Variants in ADGRD1 observed in about 807,000 individuals in gnomAD.
The protein encoded by ADGRD1 is G-protein coupled receptor 133.
Under a neutral mutation model 113.4 loss-of-function variants are expected in ADGRD1, and 77 were observed. The ratio of observed to expected loss-of-function variants is 0.68; its 90% CI spans 0.57 to 0.82. ADGRD1 has a LOEUF of 0.82. ADGRD1 is among the 40% of genes least tolerant of loss of function. The pLI, the probability that ADGRD1 is intolerant of heterozygous loss-of-function variation, is 0.00. For synonymous variants in ADGRD1, 474 were observed against 475.0 expected, an observed-to-expected ratio of 1.00 and a Z score of 0.03; for missense variants, 1,036 against 1,139.1, an observed-to-expected ratio of 0.91 and a Z score of 1.30.
At chr12:130,994,594 G>A (rs950699656) in intron 8 of ADGRD1, among the ~76,000 whole-genome samples, 1 of 152,230 alleles carries the variant, frequency 6.6e-6, no homozygotes, top group Middle Eastern at 3.2e-3. Context: ...TGTGTTTCCG[G>A]GTGTCTAGGG....
Position 130,984,939 on chromosome 12 carries a change from C to T in ADGRD1, c.491-2156C>T, listed in dbSNP as rs1873470328. ...TCTCTCTCCTCTCTTCTCTCTTTCT[C>T]TCTTTCTTTCTTTTTCTTTCTGACA... On this transcript the variant is annotated intron_variant, in intron 5 of 24. Transcript: ENST00000261654. The surrounding 1 kb of genome is among the most constrained non-coding windows in gnomAD (Gnocchi z 4.1). Among the ~76,000 whole-genome samples the T allele has an allele frequency of 6.6e-6, 1 of 150,928 alleles. No homozygotes were observed. The highest frequency in any genetic ancestry group is 1.5e-5 in the Non-Finnish European group (1 of 67,798).
chr12:131,043,454 G>T (rs933877969), intron 13 of ADGRD1, among the ~76,000 whole-genome samples: 1 of 152,234 alleles, frequency 6.6e-6, no homozygotes, highest in African/African-American at 2.4e-5. Flanking sequence ...CACGCTCACT[G>T]CCCTGGCAAA....
chr12:131,098,169 C>CACGGTG (rs1949980138), intron 15 of ADGRD1, among the ~76,000 whole-genome samples: 2 of 71,440 alleles, frequency 2.8e-5, no homozygotes, highest in Non-Finnish European at 7.5e-5. Flanking sequence ...TTCCTTCTCC[C>CACGGTG]GCAGTGGCTG....
At chr12:130,964,372 A>G (rs1235430590) in intron 2 of ADGRD1, among the ~76,000 whole-genome samples, 7 of 152,070 alleles carry the variant, frequency 4.6e-5, no homozygotes. Flanking sequence ...GTTGAATAAT[A>G]TTTCTCCTCT....
chr12:131,124,855 G>A (rs980339571), intron 20 of ADGRD1, among the ~76,000 whole-genome samples: 1 of 152,194 alleles, frequency 6.6e-6, no homozygotes, highest in Non-Finnish European at 1.5e-5. Context: ...CATGGCCATA[G>A]GCCCGTTATT....
In ADGRD1 at chr12:131,003,537, C is replaced by T. The variant is rs563636093; in HGVS notation, c.1144+235C>T. Among the ~76,000 whole-genome samples the T allele has an allele frequency of 4.1e-4, 62 of 152,280 alleles. No homozygotes were observed. The highest frequency in any genetic ancestry group is 6.9e-4 in the Non-Finnish European group (47 of 68,022). ...TTCCCAGTGACTTGGGAGCCAAGCTCCTGCCCTGGGATGATGGTCTCGGTT... is the reference window on the plus strand; with the variant it reads ...TTCCCAGTGACTTGGGAGCCAAGCTTCTGCCCTGGGATGATGGTCTCGGTT... On this transcript the variant is annotated intron_variant, in intron 10 of 24. Coordinates refer to ENST00000261654, the MANE Select transcript of ADGRD1 (RefSeq NM_198827.5). This position sits in a 1 kb window ranked among gnomAD's most constrained non-coding sequence, Gnocchi z 4.8.
chr12:131,038,232 T>C (rs1005778611), intron 13 of ADGRD1, among the ~76,000 whole-genome samples: 5 of 152,254 alleles, frequency 3.3e-5, no homozygotes, highest in African/African-American at 1.2e-4. Context: ...CCCAGCAGTC[T>C]GGAAGCCCTG....
chr12:131,049,459 T>C (rs371148797), intron 13 of ADGRD1, among the ~76,000 whole-genome samples: 43 of 152,358 alleles, frequency 2.8e-4, no homozygotes, highest in African/African-American at 1.0e-3. Flanking sequence ...CTCTAAGCCA[T>C]TATAGCCAGA....
rs1426623383 is a variant in ADGRD1 at position 131,002,723 on chromosome 12, G to C, written c.1027-462G>C. ...GTCAAGGCAGCCAGAGATAGCTCTG[G>C]GTGCCGGCACCTCGGAAGCAGCCAC... is the stretch of plus-strand genomic sequence containing the variant. On this transcript the variant is annotated intron_variant, in intron 9 of 24. Coordinates refer to ENST00000261654, the MANE Select transcript of ADGRD1 (RefSeq NM_198827.5). The C allele has an allele frequency of 7.2e-6, 9 of 1,247,462 alleles. No homozygotes were observed. The South Asian group carries it at 1.2e-4, about 17-fold the overall frequency. 77.3% of individuals were successfully genotyped at this position (1,247,462 alleles called of 1,614,324 possible).
Position 130,971,451 on chromosome 12 carries a change from TC to T in ADGRD1, c.188-5del. On this transcript the variant is annotated splice_region_variant and splice_polypyrimidine_tract_variant and intron_variant, in intron 3 of 24. Coordinates refer to ENST00000261654, the MANE Select transcript of ADGRD1 (RefSeq NM_198827.5). The surrounding 1 kb of genome is among the most constrained non-coding windows in gnomAD (Gnocchi z 4.2). Reference sequence around the variant, plus strand: ...TAACATATGATGTTGTCATTTTTCTTCCTTAGATATTGTGGAAGGGAAGGTC... The same window carrying T: ...TAACATATGATGTTGTCATTTTTCTTCTTAGATATTGTGGAAGGGAAGGTC... The T allele has an allele frequency of 6.2e-7, 1 of 1,612,604 alleles. No homozygotes were observed. Among genetic ancestry groups the T allele is most frequent in the Non-Finnish European group, 8.5e-7 (1 of 1,179,026 alleles).
intron 11 of ADGRD1, among the ~76,000 whole-genome samples, chr12:131,005,642 T>C (rs12824184): frequency 6.9e-5 from 5 of 72,066 alleles, no homozygotes; most frequent in East Asian, 5.4e-4. Flanking sequence ...GCTCTGAGAC[T>C]GTGTGATGCC....
chr12:131,004,381 C>T (rs1005350134), intron 11 of ADGRD1, 85 bp downstream of exon 11: 10 of 1,035,820 alleles, frequency 9.7e-6, no homozygotes, highest in East Asian at 5.0e-5. Flanking sequence ...GGGTGCCCAC[C>T]GCGCCAGGGA....
At chr12:131,058,285 G>C (rs1471266742) in intron 13 of ADGRD1, among the ~76,000 whole-genome samples, 2 of 152,138 alleles carry the variant, frequency 1.3e-5, no homozygotes, top group Non-Finnish European at 2.9e-5. Flanking sequence ...GGGAAGCGTC[G>C]TGAGCGTCCT....
At chr12:130,986,733 C>G (rs901164598) in intron 5 of ADGRD1, 11 of 234,636 alleles carry the variant, frequency 4.7e-5, no homozygotes, top group African/African-American at 2.4e-4. Context: ...TCGCTCCTGA[C>G]CATTTTTTCT....
chr12:131,032,142 C>A (rs1285174059), intron 13 of ADGRD1, among the ~76,000 whole-genome samples: 4 of 151,600 alleles, frequency 2.6e-5, no homozygotes, highest in Non-Finnish European at 5.9e-5. Context: ...CCAACCCTGT[C>A]CCCCGCAAGG....
chr12:131,117,324 T>A (rs1197919949), intron 18 of ADGRD1, among the ~76,000 whole-genome samples: 1 of 152,162 alleles, frequency 6.6e-6, no homozygotes, highest in African/African-American at 2.4e-5. Flanking sequence ...TTGAACTGGC[T>A]AAGGCAAAAA....
At chr12:131,106,376 A>G (rs1288763722) in intron 17 of ADGRD1, among the ~76,000 whole-genome samples, 1 of 152,156 alleles carries the variant, frequency 6.6e-6, no homozygotes, top group Non-Finnish European at 1.5e-5. Flanking sequence ...TGCCCTTTGC[A>G]TGGAGTGGGG....
intron 15 of ADGRD1, among the ~76,000 whole-genome samples, chr12:131,087,418 C>T (rs1886548118): frequency 6.6e-6 from 1 of 152,146 alleles, no homozygotes; most frequent in Non-Finnish European, 1.5e-5. Flanking sequence ...GACAGGGGAC[C>T]GGCAGCCTCC....
chr12:130,986,636 CCT>C (rs1491225091), intron 5 of ADGRD1, among the ~76,000 whole-genome samples: 1 of 151,956 alleles, frequency 6.6e-6, no homozygotes, highest in African/African-American at 2.4e-5. Flanking sequence ...ATTCTTATTT[CCT>C]TTTTTTTCCT....
Sources: gnomAD v4.1 joint callset for allele counts (sites outside exome capture counted in the v4.1 genomes callset) on GRCh38, gnomAD v4.1.1 for gene constraint, Gnocchi (gnomAD v3.1) non-coding constraint, MANE v1.5 for transcripts, NCBI Gene and HGNC (gene_info 2026-07-23, HGNC 2026-07-21) for gene names.